Variants in NCKAP1 observed in about 807,000 individuals in gnomAD.
NCKAP1 encodes nck-associated protein 1.
A neutral mutation model predicts 151.2 loss-of-function variants in NCKAP1; 21 were observed. The observed-to-expected ratio is 0.14, with a 90% CI of 0.10 to 0.20. The LOEUF (loss-of-function observed/expected upper bound fraction) is 0.20, where lower values mean the gene tolerates loss of function less well. NCKAP1 is among the 10% of genes least tolerant of loss of function. The pLI is 1.00. For synonymous variants in NCKAP1, 484 were observed against 451.8 expected (o/e 1.07, Z -0.90); for missense variants, 933 against 1,352.1 (o/e 0.69, Z 4.86).
At chr2:182,939,267 C>T (rs925634209) in intron 24 of NCKAP1, among the ~76,000 whole-genome samples, 1 of 152,064 alleles carries the variant, frequency 6.6e-6, no homozygotes, top group African/African-American at 2.4e-5. Context: ...CGGTGGCTCA[C>T]GCTTGTAATC....
chr2:183,008,367 T>A (rs775519342), intron 2 of NCKAP1, among the ~76,000 whole-genome samples: 1 of 152,208 alleles, frequency 6.6e-6, no homozygotes, highest in Admixed American at 6.5e-5. Flanking sequence ...CTAACATTAT[T>A]TCAATACAAA....
chr2:182,963,746 T>A (rs1015571404), intron 17 of NCKAP1, among the ~76,000 whole-genome samples: 1 of 152,122 alleles, frequency 6.6e-6, no homozygotes, highest in African/African-American at 2.4e-5. Context: ...CAGTTAATAA[T>A]ACATCTCAGG....
chr2:183,028,128 A>G (rs12992669), intron 1 of NCKAP1, among the ~76,000 whole-genome samples: 15,559 of 152,012 alleles, frequency 0.1, 1,121 homozygotes, highest in African/African-American at 0.2. Context: ...AATAGAAAAA[A>G]AGGAAAGGTG....
At chr2:182,958,461 T>C (rs1697369669) in intron 18 of NCKAP1, among the ~76,000 whole-genome samples, 1 of 152,090 alleles carries the variant, frequency 6.6e-6, no homozygotes, top group Non-Finnish European at 1.5e-5. Context: ...GGTAATTTTC[T>C]AAGGATAACT....
At chr2:182,950,009 C>T (rs1301531197) in intron 23 of NCKAP1, among the ~76,000 whole-genome samples, 1 of 152,140 alleles carries the variant, frequency 6.6e-6, no homozygotes, top group Non-Finnish European at 1.5e-5. Context: ...GTGATGTTTG[C>T]TATTTTAGAA....
chr2:183,014,581 T>C (rs1698648761), intron 2 of NCKAP1, among the ~76,000 whole-genome samples: 1 of 152,200 alleles, frequency 6.6e-6, no homozygotes, highest in Non-Finnish European at 1.5e-5. Flanking sequence ...CCAGGGACCA[T>C]TAATGTACCT....
In NCKAP1 at chr2:182,961,349, T is replaced by C. The variant is rs891856828; in HGVS notation, c.1881+810A>G. ...AACCAACCCAAAGGTCCAACAATGA[T>C]AGACTGGATTAAGAAAATGTGGCAC... On this transcript the variant is annotated intron_variant, in intron 18 of 30. Coordinates refer to ENST00000361354, the MANE Select transcript of NCKAP1 (RefSeq NM_013436.5). Among the ~76,000 whole-genome samples the C allele has an allele frequency of 1.3e-4, 20 of 152,308 alleles. 1 individual carries two copies. The South Asian group carries it at 2.9e-3, about 22-fold the overall frequency.
chr2:182,991,304 T>C (rs1698166480), intron 8 of NCKAP1, among the ~76,000 whole-genome samples: 1 of 152,186 alleles, frequency 6.6e-6, no homozygotes, highest in South Asian at 2.1e-4. Flanking sequence ...ACACCTGTAA[T>C]CCCAACACTA....
intron 2 of NCKAP1, among the ~76,000 whole-genome samples, chr2:183,004,883 T>TC (rs1698440443): frequency 6.4e-5 from 1 of 15,602 alleles, no homozygotes; most frequent in South Asian, 2.6e-3. Flanking sequence ...AGACTCCATC[T>TC]CAAAAAAAAA....
chr2:182,968,925 AC>A (rs1697630570), intron 15 of NCKAP1, among the ~76,000 whole-genome samples: 1 of 152,212 alleles, frequency 6.6e-6, no homozygotes, highest in South Asian at 2.1e-4. Context: ...CACAAAGGAG[AC>A]TTTTGTATTT....
intron 24 of NCKAP1, among the ~76,000 whole-genome samples, chr2:182,938,930 G>C (rs1352309124): frequency 6.6e-6 from 1 of 152,186 alleles, no homozygotes; most frequent in Non-Finnish European, 1.5e-5. Context: ...TGTGATCTGA[G>C]AGTTGAATTT....
At chr2:182,957,249 A>G in intron 19 of NCKAP1, 2 of 448,184 alleles carry the variant, frequency 4.5e-6, no homozygotes, top group East Asian at 3.8e-5. Context: ...ATCAACTATT[A>G]CATATATTTT....
chr2:183,037,966 C>T (rs755841147), intron 1 of NCKAP1, 26 bp downstream of exon 1: 15 of 1,556,152 alleles, frequency 9.6e-6, no homozygotes, highest in Non-Finnish European at 1.3e-5. Context: ...CCCGCCTCCG[C>T]CGCGGCCTCC....
At chr2:183,026,766 G>A (rs576211637) in intron 1 of NCKAP1, among the ~76,000 whole-genome samples, 1 of 152,178 alleles carries the variant, frequency 6.6e-6, no homozygotes, top group East Asian at 1.9e-4. Flanking sequence ...TTACCTCACA[G>A]GGTTATTATA....
intron 2 of NCKAP1, among the ~76,000 whole-genome samples, chr2:183,020,853 G>C (rs1044249285): frequency 6.6e-6 from 1 of 152,074 alleles, no homozygotes; most frequent in African/African-American, 2.4e-5. Context: ...CTCATGTCCT[G>C]ATCCAAGCTA....
intron 15 of NCKAP1, among the ~76,000 whole-genome samples, chr2:182,971,556 A>G (rs560741050): frequency 6.6e-6 from 1 of 152,204 alleles, no homozygotes; most frequent in South Asian, 2.1e-4. Flanking sequence ...TAAAATTCAT[A>G]TGGAACAAAC....
chr2:182,962,311 T>C (rs756700467), intron 17 of NCKAP1, 33 bp from the exon 18 acceptor site: 33 of 1,551,244 alleles, frequency 2.1e-5, no homozygotes, highest in African/African-American at 2.7e-5. Context: ...ATAATACAAG[T>C]TATAAAGAAA....
At position 182,913,776 on chromosome 2, in the gene NCKAP1, A is replaced by G. The variant is rs1200687699; in HGVS notation, c.*11926T>C. 1.3e-5 allele frequency: 2 copies of G among 152,304 alleles called. No individual in the cohort carries two copies. Among genetic ancestry groups the G allele is most frequent in the East Asian group, 3.9e-4 (2 of 5,186 alleles). 9.4% of individuals were successfully genotyped at this position (152,304 alleles called of 1,614,324 possible). Reference sequence around the variant, plus strand: ...AAAAAGAGTCTACTTCCTAATTCTCATCCTCTCATGCTTCTTTGCTTCTCT... The same window carrying G: ...AAAAAGAGTCTACTTCCTAATTCTCGTCCTCTCATGCTTCTTTGCTTCTCT... On this transcript the variant is annotated 3_prime_UTR_variant, in exon 31 of 31. Transcript: ENST00000361354.
intron 2 of NCKAP1, among the ~76,000 whole-genome samples, chr2:183,014,234 C>T (rs761037707): frequency 9.2e-5 from 14 of 152,020 alleles, no homozygotes; most frequent in Non-Finnish European, 2.1e-4. Context: ...AATGAATAAT[C>T]AGTGGAGAAT....
Sources: allele counts gnomAD v4.1 joint callset (sites outside exome capture counted in the v4.1 genomes callset), GRCh38; gene constraint gnomAD v4.1.1; transcripts MANE v1.5; gene names NCBI Gene and HGNC (gene_info 2026-07-23, HGNC 2026-07-21).